Variants in SLC39A12 observed in about 807,000 individuals in gnomAD.
The protein encoded by SLC39A12 is zinc transporter ZIP12.
A neutral mutation model predicts 71.1 loss-of-function variants in SLC39A12; 63 were observed. The observed-to-expected ratio is 0.89, with a 90% CI of 0.72 to 1.09. The LOEUF is 1.09. Among genes scored for constraint, SLC39A12 ranks in the 50% least tolerant of loss-of-function variants. The probability of loss-of-function intolerance (pLI) is 0.00; values close to 1 mark genes in which losing one functional copy is unlikely to be tolerated. For synonymous variants in SLC39A12, 351 were observed against 301.3 expected (o/e 1.16, Z -1.71); for missense variants, 892 against 812.6 (o/e 1.10, Z -1.19).
chr10:18,023,199 C>T (rs1836582346), intron 12 of SLC39A12, among the ~76,000 whole-genome samples: 1 of 152,142 alleles, frequency 6.6e-6, no homozygotes, highest in African/African-American at 2.4e-5. Context: ...GACAGAGGCC[C>T]TTTCACTTAT....
chr10:18,042,766 T>G lies in SLC39A12; in HGVS notation c.2009T>G (p.Phe670Cys), dbSNP rs781504361. 1.9e-6 allele frequency: 3 copies of G among 1,613,662 alleles called. No homozygotes were observed. The Admixed American group carries it at 5.0e-5, about 27-fold the overall frequency. Residue 670 changes from phenylalanine (F) to cysteine (C), a missense_variant, in exon 13 of 13, where the codon TTT (phenylalanine) becomes TGT (cysteine). Transcript: ENST00000377369. ...TGGATGATGTTTCTCCTGCAAAACT[T>G]TGGATTGATCCTAGGTTGGCTTTCT... ...RPWMMFLLQN[F>C]GLILGWLSLL...
chr10:18,035,740 C>T (rs1481894012), intron 12 of SLC39A12, among the ~76,000 whole-genome samples: 1 of 152,202 alleles, frequency 6.6e-6, no homozygotes, highest in Non-Finnish European at 1.5e-5. Context: ...TTTAGAGTTT[C>T]CAGTTTTTCT....
intron 12 of SLC39A12, among the ~76,000 whole-genome samples, chr10:18,025,503 G>C (rs1411395524): frequency 6.6e-6 from 1 of 151,726 alleles, no homozygotes; most frequent in African/African-American, 2.4e-5. Flanking sequence ...TTGTCCTTGC[G>C]ATAGTTTGCT....
intron 12 of SLC39A12, among the ~76,000 whole-genome samples, chr10:18,039,825 T>C (rs1032247311): frequency 6.6e-6 from 1 of 152,204 alleles, no homozygotes; most frequent in Non-Finnish European, 1.5e-5. Flanking sequence ...ACAAATACTA[T>C]TTCTTCCCTA....
intron 9 of SLC39A12, 100 bp from the exon 10 acceptor site, chr10:17,995,556 A>T: frequency 9.7e-7 from 1 of 1,028,364 alleles, no homozygotes; most frequent in Admixed American, 2.2e-5. Context: ...GAGTACTAAA[A>T]TGTCTTTTAA....
At chr10:18,018,118 T>A (rs1048172298) in intron 12 of SLC39A12, among the ~76,000 whole-genome samples, 3 of 152,206 alleles carry the variant, frequency 2.0e-5, no homozygotes, top group African/African-American at 7.2e-5. Flanking sequence ...GATTTATAAC[T>A]GAGTGTTTCA....
intron 12 of SLC39A12, among the ~76,000 whole-genome samples, chr10:18,024,923 C>T (rs577648703): frequency 9.9e-5 from 15 of 152,280 alleles, no homozygotes; most frequent in Admixed American, 2.6e-4. Flanking sequence ...AAGATCGCTA[C>T]GACCACTTAT....
intron 12 of SLC39A12, among the ~76,000 whole-genome samples, chr10:18,013,055 C>G (rs1270387837): frequency 1.3e-5 from 2 of 151,790 alleles, no homozygotes; most frequent in Non-Finnish European, 2.9e-5. Context: ...AGTGACATCT[C>G]TTATTATCAC....
intron 12 of SLC39A12, among the ~76,000 whole-genome samples, chr10:18,025,230 ATTT>A (rs1031489716): frequency 1.8e-5 from 1 of 56,464 alleles, no homozygotes; most frequent in Admixed American, 1.2e-4. Context: ...TTCTCTTTTT[ATTT>A]TTATTTTTTT....
At chr10:17,985,657 A>T (rs903564880) in intron 6 of SLC39A12, among the ~76,000 whole-genome samples, 1 of 152,150 alleles carries the variant, frequency 6.6e-6, no homozygotes, top group African/African-American at 2.4e-5. Context: ...TTGAGTATCT[A>T]CAAGCAGATG....
intron 12 of SLC39A12, among the ~76,000 whole-genome samples, chr10:18,031,133 C>T (rs1228599140): frequency 6.8e-6 from 1 of 146,006 alleles, no homozygotes; most frequent in Non-Finnish European, 1.5e-5. Flanking sequence ...TTTATAGCAG[C>T]ATGATTTATA....
chr10:17,965,731 G>T, intron 4 of SLC39A12, 41 bp downstream of exon 4: 1 of 1,513,586 alleles, frequency 6.6e-7, no homozygotes, highest in Non-Finnish European at 9.1e-7. Context: ...AGTCACACCT[G>T]CTAAATAAAC....
At chr10:17,996,641 C>T (rs1488603686) in intron 10 of SLC39A12, among the ~76,000 whole-genome samples, 2 of 152,128 alleles carry the variant, frequency 1.3e-5, no homozygotes, top group Admixed American at 6.5e-5. Context: ...TAGTTGTTAG[C>T]GAGGTTAAAT....
intron 5 of SLC39A12, among the ~76,000 whole-genome samples, chr10:17,979,916 G>A (rs536035041): frequency 6.6e-6 from 1 of 152,336 alleles, no homozygotes; most frequent in African/African-American, 2.4e-5. Flanking sequence ...TCACTTTAGA[G>A]TTGGGGCTTA....
chr10:18,011,691 A>C (rs1351025878), intron 12 of SLC39A12, among the ~76,000 whole-genome samples: 1 of 152,224 alleles, frequency 6.6e-6, no homozygotes. Context: ...CCCCTAAGGA[A>C]AAAAAGGAGA....
chr10:18,026,739 T>G (rs1001164662), intron 12 of SLC39A12, among the ~76,000 whole-genome samples: 1 of 152,114 alleles, frequency 6.6e-6, no homozygotes, highest in East Asian at 1.9e-4. Context: ...CTTTTCTGTT[T>G]TTCAAGTTTG....
intron 12 of SLC39A12, among the ~76,000 whole-genome samples, chr10:18,038,989 G>T (rs554893864): frequency 4.6e-4 from 70 of 152,222 alleles, no homozygotes; most frequent in African/African-American, 1.6e-3. Context: ...CGTCTATCTT[G>T]CCCAAAATAT....
In SLC39A12 at chr10:17,965,682, G is replaced by A. The variant is rs755814869; in HGVS notation, c.743G>A (p.Arg248His). ...TCCTTGAATCGTACGAATACCCTCC[G>A]CCTATCAGGTAAGGATGTTTTCACG... ...FSSLNRTNTL[R>H]LSELDQLLNT... Residue 248 changes from arginine (R) to histidine (H), a missense_variant, in exon 4 of 13, where the codon CGC (arginine) becomes CAC (histidine). Physicochemically the swap from Arg to His is conservative, Grantham distance 29 (BLOSUM62 0). Coordinates refer to ENST00000377369, the MANE Select transcript of SLC39A12 (RefSeq NM_001145195.2). 10 of 1,612,022 alleles carry A rather than the reference G, an allele frequency of 6.2e-6. No homozygotes were observed. In the Admixed American group the frequency reaches 6.7e-5, roughly 11 times the overall value.
chr10:18,014,759 T>G (rs1836329188), intron 12 of SLC39A12, among the ~76,000 whole-genome samples: 1 of 152,212 alleles, frequency 6.6e-6, no homozygotes, highest in Non-Finnish European at 1.5e-5. Flanking sequence ...TAGAGCAACT[T>G]TTCTGGTATT....
Sources: allele counts gnomAD v4.1 joint callset (sites outside exome capture counted in the v4.1 genomes callset), GRCh38; gene constraint gnomAD v4.1.1; transcripts MANE v1.5; gene names NCBI Gene and HGNC (gene_info 2026-07-23, HGNC 2026-07-21).